The following COL5A2 variants were observed in gnomAD, a reference collection of about 807,000 sequenced individuals.
The protein encoded by COL5A2 is collagen alpha-2(V) chain.
Under a neutral mutation model 208.2 loss-of-function variants are expected in COL5A2, and 23 were observed. The ratio of observed to expected loss-of-function variants is 0.11; its 90% CI spans 0.08 to 0.16. The LOEUF is 0.16. Among genes scored for constraint, COL5A2 ranks in the 10% least tolerant of loss-of-function variants. COL5A2 has a pLI of 1.00. For synonymous variants in COL5A2, 625 were observed against 628.5 expected (o/e 0.99, Z 0.08); for missense variants, 1,590 against 1,956.4 (o/e 0.81, Z 3.53).
At chr2:189,162,708 T>C (rs1339750165) in intron 1 of COL5A2, among the ~76,000 whole-genome samples, 1 of 152,188 alleles carries the variant, frequency 6.6e-6, no homozygotes, top group East Asian at 1.9e-4. Flanking sequence ...GAATGTTTCA[T>C]GCACTTGAAT....
the COL5A2 span, among the ~76,000 whole-genome samples, chr2:189,260,489 T>C: frequency 6.6e-6 from 1 of 152,168 alleles, no homozygotes; most frequent in African/African-American, 2.4e-5. Context: ...ATTTGCGGTA[T>C]GAAAATCAGT....
chr2:189,120,910 C>A (rs779464866), intron 1 of COL5A2, among the ~76,000 whole-genome samples: 1 of 152,158 alleles, frequency 6.6e-6, no homozygotes, highest in African/African-American at 2.4e-5. Context: ...ATAATGTATG[C>A]ATTTTGATAA....
At chr2:189,042,861 C>T in intron 48 of COL5A2, 88 bp from the exon 49 acceptor site, 1 of 1,260,466 alleles carries the variant, frequency 7.9e-7, no homozygotes. Context: ...TTGACTTTAG[C>T]AGCATGAACT....
chr2:189,202,489 A>C (rs1322190538), intron 1 of COL5A2, among the ~76,000 whole-genome samples: 1 of 152,192 alleles, frequency 6.6e-6, no homozygotes, highest in African/African-American at 2.4e-5. Flanking sequence ...AAGAAGCAGT[A>C]AGTAAACTGG....
At chr2:189,408,546 G>A in the COL5A2 span, among the ~76,000 whole-genome samples, 1 of 152,154 alleles carries the variant, frequency 6.6e-6, no homozygotes, top group Non-Finnish European at 1.5e-5. Flanking sequence ...ATAAAATTCA[G>A]TGGCCATGGT....
At chr2:189,204,187 G>A (rs1017851973) in intron 1 of COL5A2, among the ~76,000 whole-genome samples, 1 of 152,128 alleles carries the variant, frequency 6.6e-6, no homozygotes, top group African/African-American at 2.4e-5. Context: ...GTGAGCCACC[G>A]CGCCCAGCCA....
intron 1 of COL5A2, among the ~76,000 whole-genome samples, chr2:189,174,596 A>C (rs985205757): frequency 2.6e-5 from 4 of 152,236 alleles, no homozygotes; most frequent in Non-Finnish European, 5.9e-5. Flanking sequence ...ATCAGAGTCA[A>C]CTGGAGAGCT....
Position 189,092,307 on chromosome 2 carries a change from C to T in COL5A2, c.567+3G>A. The T allele has an allele frequency of 6.3e-7, 1 of 1,586,426 alleles. No individual in the cohort carries two copies. The highest frequency in any genetic ancestry group is 8.6e-7 in the Non-Finnish European group (1 of 1,159,258). On this transcript the variant is annotated splice_donor_region_variant and intron_variant, in intron 7 of 53. Transcript: ENST00000374866. ...GTGACATCAAACAATGCACACAACT[C>T]ACCCTGCTCAAGCCATCGGGTCCTG...
At chr2:189,319,875 G>A in the COL5A2 span, among the ~76,000 whole-genome samples, 4 of 152,202 alleles carry the variant, frequency 2.6e-5, no homozygotes, top group Non-Finnish European at 5.9e-5. Flanking sequence ...CCTCAAGTGG[G>A]TCCCTGACCC....
At chr2:189,072,147 TAG>T in intron 17 of COL5A2, 54 bp from the exon 18 acceptor site, 3 of 1,277,928 alleles carry the variant, frequency 2.3e-6, no homozygotes, top group Non-Finnish European at 3.4e-6. Context: ...AGTATCTAAT[TAG>T]GTCATTTTTT....
At chr2:189,382,132 AT>A in the COL5A2 span, among the ~76,000 whole-genome samples, 1 of 152,190 alleles carries the variant, frequency 6.6e-6, no homozygotes, top group East Asian at 1.9e-4. Context: ...TAAACTGTTC[AT>A]TTTAATAAGC....
Position 189,055,120 on chromosome 2 carries a change from T to C in COL5A2, c.2392-908A>G, listed in dbSNP as rs1196087135. On this transcript the variant is annotated intron_variant, in intron 35 of 53. Transcript: ENST00000374866. ...GGGTGGTCTTGATCTCCTGCCCTCATGATCCGCCCACCTCAGCCTCCCAAA... is the reference window on the plus strand; with the variant it reads ...GGGTGGTCTTGATCTCCTGCCCTCACGATCCGCCCACCTCAGCCTCCCAAA... Among the ~76,000 whole-genome samples the C allele has an allele frequency of 3.3e-5, 5 of 152,146 alleles. No individual in the cohort carries two copies. In the East Asian group the frequency reaches 9.6e-4, roughly 29 times the overall value.
the COL5A2 span, among the ~76,000 whole-genome samples, chr2:189,233,201 G>C: frequency 6.6e-6 from 1 of 151,614 alleles, no homozygotes; most frequent in African/African-American, 2.4e-5. Context: ...TTTTCCTGTT[G>C]GCATCTGTGT....
intron 1 of COL5A2, among the ~76,000 whole-genome samples, chr2:189,195,112 T>A (rs1474952029): frequency 6.6e-6 from 1 of 152,160 alleles, no homozygotes; most frequent in Non-Finnish European, 1.5e-5. Context: ...GATAGGTAAC[T>A]TCAACAAAGT....
At chr2:189,276,189 G>A in the COL5A2 span, among the ~76,000 whole-genome samples, 2 of 152,150 alleles carry the variant, frequency 1.3e-5, no homozygotes, top group Non-Finnish European at 2.9e-5. Flanking sequence ...GCAGTAATCT[G>A]TCTCACACAC....
chr2:189,145,779 G>C (rs1688027217), intron 1 of COL5A2, among the ~76,000 whole-genome samples: 1 of 151,968 alleles, frequency 6.6e-6, no homozygotes, highest in Non-Finnish European at 1.5e-5. Flanking sequence ...ATGAGATAAG[G>C]CATAATTATT....
At position 189,089,043 on chromosome 2, in the gene COL5A2, A is replaced by ATGGAT. The variant is rs141172366; in HGVS notation, c.568-276_568-272dup. Among the ~76,000 whole-genome samples, 7,286 of 152,262 alleles carry ATGGAT rather than the reference A, an allele frequency of 0.048. 208 individuals are homozygous for ATGGAT. The highest frequency in any genetic ancestry group is 0.092 in the East Asian group (475 of 5,168). Reference sequence around the variant, plus strand: ...CAAATGTCTGATACTTGATAAAAGCATGGATTGTTCTGATAAGCACTAGCC... The same window carrying ATGGAT: ...CAAATGTCTGATACTTGATAAAAGCATGGATTGGATTGTTCTGATAAGCACTAGCC... On this transcript the variant is annotated intron_variant, in intron 7 of 53. Coordinates refer to ENST00000374866, the MANE Select transcript of COL5A2 (RefSeq NM_000393.5).
chr2:189,367,219 A>G, the COL5A2 span, among the ~76,000 whole-genome samples: 1 of 152,088 alleles, frequency 6.6e-6, no homozygotes, highest in South Asian at 2.1e-4. Context: ...TTTTCCTTTT[A>G]AGGTGACCAA....
the COL5A2 span, among the ~76,000 whole-genome samples, chr2:189,365,947 CAT>C: frequency 2.0e-5 from 3 of 152,216 alleles, no homozygotes; most frequent in Non-Finnish European, 4.4e-5. Flanking sequence ...TGAAATGTCT[CAT>C]GTGCAACTGA....
Sources: allele counts gnomAD v4.1 joint callset (sites outside exome capture counted in the v4.1 genomes callset), GRCh38; gene constraint gnomAD v4.1.1; transcripts MANE v1.5; gene names NCBI Gene and HGNC (gene_info 2026-07-23, HGNC 2026-07-21).